The following POLE variants were observed in gnomAD, a reference collection of about 807,000 sequenced individuals.
POLE encodes DNA polymerase epsilon, catalytic subunit.
Under a neutral mutation model 279.2 loss-of-function variants are expected in POLE, and 188 were observed. The observed-to-expected ratio is 0.67, with a 90% CI of 0.60 to 0.76. POLE has a LOEUF of 0.76. Among genes scored for constraint, POLE ranks in the 30% least tolerant of loss-of-function variants. POLE has a pLI of 0.00. For synonymous variants in POLE, 1,214 were observed against 1,172.5 expected, an observed-to-expected ratio of 1.04 and a Z score of -0.72; for missense variants, 2,703 against 3,016.7, an observed-to-expected ratio of 0.90 and a Z score of 2.44.
chr12:132,680,970 G>T, intron 2 of POLE, 168 bp downstream of exon 2: 1 of 755,592 alleles, frequency 1.3e-6, no homozygotes, highest in Non-Finnish European at 2.1e-6. Flanking sequence ...TGGCCTCTCT[G>T]TGGCCCTCAA....
rs1555222633 is a variant in POLE, at chr12:132,642,740, G to A, written c.4729-11C>T. On this transcript the variant is annotated splice_polypyrimidine_tract_variant and intron_variant, in intron 36 of 48. Transcript: ENST00000320574. ...CCCCCGGCGCTCCTCCTGGGTCAAG[G>A]CAAAATGGAAGAAAAGACCTGGGTG... is the stretch of plus-strand genomic sequence containing the variant. 3 of 1,613,402 alleles carry A rather than the reference G, an allele frequency of 1.9e-6. No individual in the cohort carries two copies. The highest frequency in any genetic ancestry group is 2.5e-6 in the Non-Finnish European group (3 of 1,179,748).
At chr12:132,651,404 CCACCTCCACCTCTAG>C (rs2042419153) in intron 29 of POLE, 1 of 152,218 alleles carries the variant, frequency 6.6e-6, no homozygotes, top group South Asian at 2.1e-4. Context: ...CGGAGAACAA[CCACCTCCACCTCTAG>C]CACCAGGGAT....
chr12:132,673,022 T>A, intron 14 of POLE, 142 bp downstream of exon 14: 1 of 756,976 alleles, frequency 1.3e-6, no homozygotes, highest in Non-Finnish European at 2.2e-6. Context: ...CCAAAGGACA[T>A]CCCTGACGTC....
At chr12:132,678,795 T>C (rs1237548319) in intron 6 of POLE, among the ~76,000 whole-genome samples, 6 of 152,174 alleles carry the variant, frequency 3.9e-5, no homozygotes, top group African/African-American at 9.7e-5. Flanking sequence ...TAAGCTCAAA[T>C]ACTGAACGGG....
intron 25 of POLE, chr12:132,659,710 T>G: frequency 1.8e-6 from 1 of 562,864 alleles, no homozygotes; most frequent in Non-Finnish European, 3.2e-6. Flanking sequence ...ATATTTTTTT[T>G]GAGACAGAGT....
chr12:132,671,797 T>A (rs1001003113), intron 16 of POLE, among the ~76,000 whole-genome samples: 2 of 151,562 alleles, frequency 1.3e-5, no homozygotes, highest in Non-Finnish European at 2.9e-5. Flanking sequence ...GTGTGCTTTC[T>A]AACCATTATG....
Position 132,659,419 on chromosome 12 carries a change from A to G in POLE, c.3151T>C (p.Ser1051Pro), listed in dbSNP as rs1064796258. Reference protein sequence around the residue: ...RKLEDYGEQKSTSISTAKRLA... With the variant: ...RKLEDYGEQKPTSISTAKRLA... The stretch of plus-strand genomic sequence containing the variant: ...CGCTTTGCTGTGCTGATGGACGTAG[A>G]CTTCTGCTCCCCGTAATCTTCCAGC... Residue 1051 changes from serine (S) to proline (P), a missense_variant, in exon 26 of 49, where the codon TCT becomes CCT. Physicochemically the swap from Ser to Pro is moderately conservative, Grantham distance 74. Transcript: ENST00000320574. The G allele has an allele frequency of 6.2e-7, 1 of 1,614,152 alleles. No homozygotes were observed. Among genetic ancestry groups the G allele is most frequent in the Non-Finnish European group, 8.5e-7 (1 of 1,180,018 alleles).
rs1212969194 is a variant in POLE, at chr12:132,633,162, C to CCT, written c.6005-368_6005-367insAG. ...CCGGGCCTGTCACCTGGCACTTACCCTTTTTTTTTTTTTTTTTTGAGACAC... is the reference window on the plus strand; with the variant it reads ...CCGGGCCTGTCACCTGGCACTTACCCCTTTTTTTTTTTTTTTTTTTGAGACAC... On this transcript the variant is annotated intron_variant, in intron 43 of 48. Transcript: ENST00000320574. The CCT allele has an allele frequency of 1.6e-4, 23 of 146,220 alleles. 4 individuals are homozygous for CCT. Among genetic ancestry groups the CCT allele is most frequent in the Non-Finnish European group, 1.8e-4 (12 of 67,868 alleles). 9.1% of individuals were successfully genotyped at this position (146,220 alleles called of 1,614,324 possible). A position where few individuals can be genotyped will look rare whatever the true frequency, so the allele number is the denominator to read the frequency against.
At position 132,673,517 on chromosome 12, in the gene POLE, G is replaced by A. The variant is rs148851899; in HGVS notation, c.1359+58C>T. 559 of 1,577,336 alleles carry A rather than the reference G, an allele frequency of 3.5e-4. 2 individuals carry two copies. The African/African-American group carries it at 5.7e-3, about 16-fold the overall frequency. ...TGGCTCACATGCCTGGGGCTGCTCCGTGGCCATCTGGATGCGTGCACACGG... is the reference window on the plus strand; with the variant it reads ...TGGCTCACATGCCTGGGGCTGCTCCATGGCCATCTGGATGCGTGCACACGG... On this transcript the variant is annotated intron_variant, in intron 13 of 48. Coordinates refer to ENST00000320574, the MANE Select transcript of POLE (RefSeq NM_006231.4).
In POLE at chr12:132,632,300, C is replaced by T. The variant is rs5745023; in HGVS notation, c.6330+15G>A. 730,806 of 1,601,652 alleles carry T rather than the reference C, an allele frequency of 0.46. 170,711 individuals carry two copies. Among genetic ancestry groups the T allele is most frequent in the East Asian group, 0.7 (31,241 of 44,790 alleles). Reference sequence around the variant, plus strand: ...CGTTAGTGTCCTCTCCTCACACGCACGCTGGCACTCTCACCTTGCACACGT... The same window carrying T: ...CGTTAGTGTCCTCTCCTCACACGCATGCTGGCACTCTCACCTTGCACACGT... On this transcript the variant is annotated intron_variant, in intron 45 of 48. Transcript: ENST00000320574.
In POLE at chr12:132,659,440, C is replaced by G. The variant is rs1060500869; in HGVS notation, c.3130G>C (p.Glu1044Gln). 1.9e-6 allele frequency: 3 copies of G among 1,614,132 alleles called. No homozygotes were observed. Among genetic ancestry groups the G allele is most frequent in the Non-Finnish European group, 2.5e-6 (3 of 1,180,048 alleles). ...SENRSMSRKLEDYGEQKSTSI... is the reference protein window; with the variant it reads ...SENRSMSRKLQDYGEQKSTSI... ...GTAGACTTCTGCTCCCCGTAATCTT[C>G]CAGCTTCCGAGACATGGAACGGTTC... Residue 1044 changes from glutamate (E) to glutamine (Q), a missense_variant, in exon 26 of 49, where the codon GAA becomes CAA. Around this residue, in one of 5 missense-constraint regions of POLE, gnomAD observed 1,551 missense variants for 1,686.1 expected, o/e 0.92. Transcript: ENST00000320574.
In POLE at chr12:132,677,711, T is replaced by G. The variant is rs770126315; in HGVS notation, c.587A>C (p.Gln196Pro). ...TTCATCAGTAATGACACCGCCCCTC[T>G]GCAGAACACTAGGAATTAACAAGAG... The part of the protein sequence containing the change: ...AYTALLSSVL[Q>P]RGGVITDEEE... Residue 196 changes from glutamine (Q) to proline (P), a missense_variant, in exon 7 of 49, where the codon CAG becomes CCG. Physicochemically the swap from Gln to Pro is moderately conservative, Grantham distance 76. This residue lies in a region of POLE where 1,011 missense variants were observed against 1,111.7 expected (regional missense o/e 0.91). Transcript: ENST00000320574. The G allele has an allele frequency of 1.2e-6, 2 of 1,613,852 alleles. No individual in the cohort carries two copies. The highest frequency in any genetic ancestry group is 1.7e-6 in the Non-Finnish European group (2 of 1,179,936).
rs34047482 is a variant in POLE, at chr12:132,681,251, C to T, written c.91G>A (p.Ala31Thr). ...RDDGATSSVS[A>T]LKRLERSQWT... ...TGACTCCGTTCCAGGCGCTTGAGTG[C>T]CGAAACTGAGGAAGTGGCGCCATCA... Residue 31 changes from alanine to threonine, a missense_variant, in exon 2 of 49, where the codon GCA becomes ACA. Ala to Thr is a moderately conservative substitution (Grantham distance 58). This residue lies in a region of POLE where 1,011 missense variants were observed against 1,111.7 expected (regional missense o/e 0.91). Coordinates refer to ENST00000320574, the MANE Select transcript of POLE (RefSeq NM_006231.4). 6.2e-7 allele frequency: 1 copy of T among 1,614,180 alleles called. No homozygotes were observed. The highest frequency in any genetic ancestry group is 8.5e-7 in the Non-Finnish European group (1 of 1,180,024).
intron 8 of POLE, 24 bp downstream of exon 8, chr12:132,677,339 G>A: frequency 6.3e-7 from 1 of 1,577,474 alleles, no homozygotes. Context: ...ATTTTAGGAT[G>A]AAGGTAACAC....
At chr12:132,679,904 A>G (rs370610643) in intron 5 of POLE, 50 bp downstream of exon 5, 2 of 1,338,440 alleles carry the variant, frequency 1.5e-6, no homozygotes, top group Admixed American at 3.8e-5. Flanking sequence ...TGCCAGGAAC[A>G]ATGTAGACTC....
chr12:132,625,690 C>A lies in POLE; in HGVS notation c.6612G>T (p.Val2204=). 1 of 1,613,804 alleles carries A rather than the reference C, an allele frequency of 6.2e-7. No homozygotes were observed. Among genetic ancestry groups the A allele is most frequent in the Non-Finnish European group, 8.5e-7 (1 of 1,180,042 alleles). The change falls in exon 47 of 49, where the codon GTG becomes GTT. Residue 2204 remains valine, a synonymous_variant. Coordinates refer to ENST00000320574, the MANE Select transcript of POLE (RefSeq NM_006231.4). ...YDSSAIEMTL[V]EVLQKKLMAF... is the part of the protein sequence containing the mutation. ...CCATCAGCTTCTTCTGTAGAACTTC[C>A]ACCAGCGTCATCTCGATGGCAGAGG...
chr12:132,661,749 G>C lies in POLE; in HGVS notation c.2707-65C>G. 6.4e-7 allele frequency: 1 copy of C among 1,554,354 alleles called. No homozygotes were observed. The highest frequency in any genetic ancestry group is 8.8e-7 in the Non-Finnish European group (1 of 1,135,686). ...ATGGCCCAAACCTGGAAACCACCTG[G>C]TGTCCCTCCAGGAGTGGATGGATTG... On this transcript the variant is annotated intron_variant, in intron 23 of 48. Transcript: ENST00000320574. The surrounding 1 kb of genome is among the most constrained non-coding windows in gnomAD (Gnocchi z 4.1).
rs986217332 is a variant in POLE at position 132,665,305 on chromosome 12, T to C, written c.2465A>G (p.Lys822Arg). The change falls in exon 21 of 49, where the codon AAG (lysine) becomes AGG (arginine). Residue 822 changes from lysine to arginine, a missense_variant. By Grantham distance (26) the Lys-to-Arg change is conservative. Around this residue, in one of 5 missense-constraint regions of POLE, gnomAD observed 1,011 missense variants for 1,111.7 expected, o/e 0.91. Transcript: ENST00000320574. Reference protein sequence around the residue: ...LNSFYGYVMRKGARWYSMEMA... With the variant: ...LNSFYGYVMRRGARWYSMEMA... ...TCCCGGGCCCGGGCCCACCTACCCC[T>C]TGCGCATGACATAGCCATAGAAGGA... 6.2e-7 allele frequency: 1 copy of C among 1,613,366 alleles called. No individual in the cohort carries two copies. The highest frequency in any genetic ancestry group is 1.3e-5 in the African/African-American group (1 of 74,976).
At chr12:132,656,365 CTTT>C (rs56112203) in intron 29 of POLE, among the ~76,000 whole-genome samples, 1 of 145,764 alleles carries the variant, frequency 6.9e-6, no homozygotes, top group African/African-American at 2.5e-5. Flanking sequence ...GAACCTTTTT[CTTT>C]TTTTTTTTTT....
Sources: allele counts gnomAD v4.1 joint callset (sites outside exome capture counted in the v4.1 genomes callset), GRCh38; gene constraint gnomAD v4.1.1; regional missense constraint gnomAD v4.1.1; non-coding constraint Gnocchi (gnomAD v3.1); transcripts MANE v1.5; gene names NCBI Gene and HGNC (gene_info 2026-07-23, HGNC 2026-07-21).